Variants in PDZD2 observed in about 807,000 individuals in gnomAD.
The protein encoded by PDZD2 is PDZ domain containing 2.
Under a neutral mutation model 220.7 loss-of-function variants are expected in PDZD2, and 90 were observed. The ratio of observed to expected loss-of-function variants is 0.41; its 90% CI spans 0.34 to 0.49. The LOEUF (loss-of-function observed/expected upper bound fraction) is 0.49. PDZD2 is among the 20% of genes least tolerant of loss of function. The pLI, the probability that PDZD2 is intolerant of heterozygous loss-of-function variation, is 0.28. For missense variants in PDZD2, 3,174 were observed against 3,608.5 expected (o/e 0.88, Z 3.08); for synonymous variants, 1,375 against 1,450.5 (o/e 0.95, Z 1.18).
chr5:31,904,069 A>G (rs1581038844), intron 2 of PDZD2, among the ~76,000 whole-genome samples: 1 of 146,026 alleles, frequency 6.8e-6, no homozygotes, highest in Non-Finnish European at 1.5e-5. Context: ...AAAGCAGTGT[A>G]TTTCTTTCAA....
At chr5:31,658,441 C>A (rs914973663) in intron 1 of PDZD2, among the ~76,000 whole-genome samples, 1 of 152,180 alleles carries the variant, frequency 6.6e-6, no homozygotes, top group South Asian at 2.1e-4. Context: ...GAGCGTGTCT[C>A]CTCTCTTGCC....
chr5:31,847,111 G>T (rs1333961394), intron 2 of PDZD2, among the ~76,000 whole-genome samples: 1 of 152,144 alleles, frequency 6.6e-6, no homozygotes, highest in Non-Finnish European at 1.5e-5. Flanking sequence ...AGTTGACATT[G>T]GGGAAATATG....
At chr5:31,881,691 A>G (rs1046902736) in intron 2 of PDZD2, among the ~76,000 whole-genome samples, 6 of 43,046 alleles carry the variant, frequency 1.4e-4, no homozygotes, top group Non-Finnish European at 2.9e-4. Flanking sequence ...CATATACATA[A>G]TACAATACAC....
At position 32,072,248 on chromosome 5, in the gene PDZD2, G is replaced by C. The variant is rs1233629175; in HGVS notation, c.2656G>C (p.Glu886Gln). ...PLSDFMVAGS[E>Q]DEDHPGSGCS... ...GTCAGACTTCATGGTGGCCGGTTCTGAGGACGAGGATCACCCGGGAAGTGG... is the reference window on the plus strand; with the variant it reads ...GTCAGACTTCATGGTGGCCGGTTCTCAGGACGAGGATCACCCGGGAAGTGG... Residue 886 changes from glutamate to glutamine, a missense_variant, in exon 17 of 25, where the codon GAG (glutamate) becomes CAG (glutamine). Coordinates refer to ENST00000438447, the MANE Select transcript of PDZD2 (RefSeq NM_178140.4). 1 of 1,614,134 alleles carries C rather than the reference G, an allele frequency of 6.2e-7. No individual in the cohort carries two copies. Among genetic ancestry groups the C allele is most frequent in the South Asian group, 1.1e-5 (1 of 91,086 alleles).
intron 2 of PDZD2, among the ~76,000 whole-genome samples, chr5:31,873,365 T>TA (rs1341949583): frequency 6.6e-6 from 1 of 150,898 alleles, no homozygotes; most frequent in Non-Finnish European, 1.5e-5. Context: ...GCCCAGGAGG[T>TA]GAAGGCTGCA....
rs148848748 is a variant in PDZD2 at position 32,087,196 on chromosome 5, A to T, written c.3748A>T (p.Ser1250Cys). 5.0e-6 allele frequency: 8 copies of T among 1,613,924 alleles called. No homozygotes were observed. The African/African-American group carries it at 9.3e-5, about 19-fold the overall frequency. Residue 1250 changes from serine to cysteine, a missense_variant, in exon 20 of 25, where the codon AGC becomes TGC. This residue lies in a region of PDZD2 where 1,861 missense variants were observed against 2,001.0 expected (regional missense o/e 0.93). Coordinates refer to ENST00000438447, the MANE Select transcript of PDZD2 (RefSeq NM_178140.4). This position sits in a 1 kb window ranked among gnomAD's most constrained non-coding sequence, Gnocchi z 4.0. ...GKKGAAHPDP[S>C]KTSVDTGQVS... ...GAAGGGGGCCGCTCATCCTGACCCC[A>T]GCAAGACCTCTGTAGACACAGGGCA...
At chr5:31,968,573 A>C (rs1340980695) in intron 2 of PDZD2, among the ~76,000 whole-genome samples, 2 of 151,948 alleles carry the variant, frequency 1.3e-5, no homozygotes, top group African/African-American at 4.8e-5. Flanking sequence ...AAATTGCTTG[A>C]ACCCAGGAGG....
At chr5:31,863,910 T>C (rs529908665) in intron 2 of PDZD2, among the ~76,000 whole-genome samples, 8 of 152,332 alleles carry the variant, frequency 5.3e-5, no homozygotes, top group Middle Eastern at 3.4e-3. Flanking sequence ...TTGTCCCAAA[T>C]ACATAACAGA....
intron 2 of PDZD2, among the ~76,000 whole-genome samples, chr5:31,941,627 A>T (rs150058188): frequency 6.6e-6 from 1 of 152,312 alleles, no homozygotes; most frequent in Non-Finnish European, 1.5e-5. Flanking sequence ...AAATGTACGT[A>T]CTTGGGGACA....
intron 1 of PDZD2, among the ~76,000 whole-genome samples, chr5:31,671,086 G>T (rs1027425521): frequency 2.0e-5 from 3 of 152,134 alleles, no homozygotes; most frequent in African/African-American, 7.2e-5. Flanking sequence ...TCCAGGCAGG[G>T]TGGCTTGGGA....
At chr5:32,073,612 G>A (rs1423477421) in intron 17 of PDZD2, among the ~76,000 whole-genome samples, 1 of 147,380 alleles carries the variant, frequency 6.8e-6, no homozygotes, top group South Asian at 2.5e-4. Flanking sequence ...AAGGGCGGGG[G>A]GGGTAGGTCA....
intron 3 of PDZD2, among the ~76,000 whole-genome samples, chr5:31,989,320 A>G (rs1176449093): frequency 2.6e-5 from 4 of 152,070 alleles, no homozygotes; most frequent in Non-Finnish European, 5.9e-5. Flanking sequence ...ATTTCACTGA[A>G]GGTAATGGCC....
chr5:31,759,082 G>T (rs1751471159), intron 1 of PDZD2, among the ~76,000 whole-genome samples: 1 of 151,956 alleles, frequency 6.6e-6, no homozygotes, highest in Admixed American at 6.6e-5. Flanking sequence ...CCCAGGAGTG[G>T]TGAGCTCCCC....
chr5:31,645,352 T>TTTTTC (rs1554059041), intron 1 of PDZD2, among the ~76,000 whole-genome samples: 1 of 135,706 alleles, frequency 7.4e-6, no homozygotes, highest in Non-Finnish European at 1.7e-5. Flanking sequence ...TTTTTTTTTT[T>TTTTTC]TTGAGACGGA....
rs1006775987 is a variant in PDZD2 at position 32,083,535 on chromosome 5, T to C, written c.3683-3596T>C. ...TCGAACGTTTCCAGAGAAAAGGTTG[T>C]CTTGAAAGGTGACAACCAAAGGCTG... On this transcript the variant is annotated intron_variant, in intron 19 of 24. Coordinates refer to ENST00000438447, the MANE Select transcript of PDZD2 (RefSeq NM_178140.4). The surrounding 1 kb of genome is among the most constrained non-coding windows in gnomAD (Gnocchi z 4.1). 8.5e-5 allele frequency: 13 copies of C among 152,212 alleles called. No homozygotes were observed. Among genetic ancestry groups the C allele is most frequent in the Admixed American group, 8.5e-4 (13 of 15,274 alleles). The allele number at this position is 152,212 out of a possible 1,614,324, so 9.4% of individuals were successfully genotyped here.
At chr5:31,688,285 T>A (rs1216662130) in intron 1 of PDZD2, among the ~76,000 whole-genome samples, 1 of 152,134 alleles carries the variant, frequency 6.6e-6, no homozygotes, top group African/African-American at 2.4e-5. Flanking sequence ...GATCTGGAGT[T>A]GCAGATAGAA....
chr5:31,767,027 C>CTTTTTTTTTTTTTT (rs3032828), intron 1 of PDZD2, among the ~76,000 whole-genome samples: 1 of 94,298 alleles, frequency 1.1e-5, no homozygotes, highest in African/African-American at 4.9e-5. Context: ...TGCACCCAGC[C>CTTTTTTTTTTTTTT]TTTTTTTTTT....
At chr5:31,827,888 T>C (rs1756326839) in intron 2 of PDZD2, among the ~76,000 whole-genome samples, 1 of 152,122 alleles carries the variant, frequency 6.6e-6, no homozygotes, top group South Asian at 2.1e-4. Flanking sequence ...ACAGGGATTC[T>C]CCATACTCCG....
chr5:31,975,888 C>T (rs555404500), intron 2 of PDZD2, among the ~76,000 whole-genome samples: 5 of 147,620 alleles, frequency 3.4e-5, no homozygotes, highest in African/African-American at 1.0e-4. Flanking sequence ...ACTGCAGCCT[C>T]GACCTCCTAG....
Sources: gnomAD v4.1 joint callset for allele counts (sites outside exome capture counted in the v4.1 genomes callset) on GRCh38, gnomAD v4.1.1 for gene constraint, gnomAD v4.1.1 regional missense constraint, Gnocchi (gnomAD v3.1) non-coding constraint, MANE v1.5 for transcripts, NCBI Gene and HGNC (gene_info 2026-07-23, HGNC 2026-07-21) for gene names.